The following CDK14 variants were observed in gnomAD, a reference collection of about 807,000 sequenced individuals.
The protein encoded by CDK14 is cyclin-dependent kinase 14.
A neutral mutation model predicts 60.7 loss-of-function variants in CDK14; 34 were observed. The ratio of observed to expected loss-of-function variants is 0.56; its 90% CI spans 0.43 to 0.75. The LOEUF (loss-of-function observed/expected upper bound fraction) is 0.75. Ranked by LOEUF, CDK14 falls within the 30% of genes least tolerant of loss-of-function variation. CDK14 has a pLI of 0.00. For synonymous variants in CDK14, 197 were observed against 203.7 expected (o/e 0.97, Z 0.28); for missense variants, 482 against 564.1 (o/e 0.85, Z 1.47).
chr7:90,632,693 A>G (rs1338300099), intron 2 of CDK14: 1 of 152,330 alleles, frequency 6.6e-6, no homozygotes, highest in Non-Finnish European at 1.5e-5. Flanking sequence ...TCCACTTAAA[A>G]GCTTTACTTG....
intron 10 of CDK14, among the ~76,000 whole-genome samples, chr7:90,984,613 C>G (rs375976383): frequency 6.6e-6 from 1 of 152,138 alleles, no homozygotes; most frequent in Non-Finnish European, 1.5e-5. Context: ...TGATAACTTT[C>G]TTCCATAAAG....
At chr7:91,178,638 G>A (rs1403191755) in intron 14 of CDK14, among the ~76,000 whole-genome samples, 1 of 152,058 alleles carries the variant, frequency 6.6e-6, no homozygotes, top group Non-Finnish European at 1.5e-5. Flanking sequence ...CCATCAAAAG[G>A]TGGGCGAAGG....
intron 4 of CDK14, among the ~76,000 whole-genome samples, chr7:90,786,926 CAAAA>C (rs34902431): frequency 6.8e-5 from 6 of 87,728 alleles, no homozygotes; most frequent in Admixed American, 2.7e-4. Flanking sequence ...ACCCTGTCTC[CAAAA>C]AAAAAAAAAA....
intron 14 of CDK14, among the ~76,000 whole-genome samples, chr7:91,190,478 T>G (rs1802325700): frequency 6.6e-6 from 1 of 152,158 alleles, no homozygotes. Flanking sequence ...TTTGTTATTT[T>G]GTTTCTTGTT....
intron 14 of CDK14, among the ~76,000 whole-genome samples, chr7:91,156,038 A>C (rs1421013245): frequency 2.6e-5 from 4 of 152,172 alleles, no homozygotes; most frequent in Non-Finnish European, 5.9e-5. Context: ...TTGATTTCCC[A>C]TAATCAGTTC....
intron 2 of CDK14, among the ~76,000 whole-genome samples, chr7:90,626,095 C>G (rs764946223): frequency 1.3e-5 from 2 of 152,202 alleles, no homozygotes; most frequent in Non-Finnish European, 2.9e-5. Flanking sequence ...CATTCTTGAT[C>G]TGAGGCGAGT....
chr7:91,091,575 A>AGG (rs1198229313), intron 12 of CDK14, among the ~76,000 whole-genome samples: 1 of 145,452 alleles, frequency 6.9e-6, no homozygotes, highest in East Asian at 2.0e-4. Context: ...AGGCTGAGGC[A>AGG]GGGGGATCAT....
At chr7:90,635,302 A>G (rs1325767597) in intron 2 of CDK14, among the ~76,000 whole-genome samples, 2 of 152,256 alleles carry the variant, frequency 1.3e-5, no homozygotes, top group South Asian at 2.1e-4. Context: ...TCTTGAATTA[A>G]TTTTTGTATA....
intron 2 of CDK14, among the ~76,000 whole-genome samples, chr7:90,635,973 T>G (rs1262290338): frequency 6.6e-6 from 1 of 151,842 alleles, no homozygotes; most frequent in African/African-American, 2.4e-5. Flanking sequence ...GTGATTTTTG[T>G]ACATTGATTT....
At chr7:91,079,382 T>G in intron 11 of CDK14, 50 bp from the exon 12 acceptor site, 1 of 1,240,848 alleles carries the variant, frequency 8.1e-7, no homozygotes, top group Non-Finnish European at 1.2e-6. Context: ...ATACTTGTAA[T>G]ATATACATTT....
intron 3 of CDK14, among the ~76,000 whole-genome samples, chr7:90,744,649 C>A (rs1306698456): frequency 1.4e-5 from 2 of 147,724 alleles, no homozygotes; most frequent in African/African-American, 2.6e-5. Flanking sequence ...GCTGACCCCC[C>A]CACCTCCCTC....
chr7:91,176,262 G>A lies in CDK14; in HGVS notation c.*29-30903G>A, dbSNP rs148654546. Among the ~76,000 whole-genome samples the A allele has an allele frequency of 3.0e-3, 461 of 152,288 alleles. 2 individuals carry two copies. The highest frequency in any genetic ancestry group is 0.011 in the African/African-American group (441 of 41,556). ...AATAAAGATGTTCTTTGAACGCAAC[G>A]AGAGCAAAGACACAACATACCAGAA... On this transcript the variant is annotated intron_variant, in intron 14 of 14. Transcript: ENST00000380050.
At position 90,636,043 on chromosome 7, in the gene CDK14, A is replaced by G. The variant is rs1472765157; in HGVS notation, c.123+31794A>G. Among the ~76,000 whole-genome samples, 359 of 150,866 alleles carry G rather than the reference A, an allele frequency of 2.4e-3. 1 individual carries two copies. The highest frequency in any genetic ancestry group is 3.4e-3 in the Admixed American group (51 of 15,146). Reference sequence around the variant, plus strand: ...CTTAAGGAGATTTTGGGCTGAGACAATGGGGTTTTCTAGATATACAATCAT... The same window carrying G: ...CTTAAGGAGATTTTGGGCTGAGACAGTGGGGTTTTCTAGATATACAATCAT... On this transcript the variant is annotated intron_variant, in intron 2 of 14. Coordinates refer to ENST00000380050, the MANE Select transcript of CDK14 (RefSeq NM_001287135.2).
At chr7:90,671,183 G>A (rs559928905) in intron 2 of CDK14, among the ~76,000 whole-genome samples, 13 of 152,148 alleles carry the variant, frequency 8.5e-5, no homozygotes, top group African/African-American at 2.2e-4. Flanking sequence ...TGTGATGATC[G>A]TGCAGATTGT....
intron 4 of CDK14, among the ~76,000 whole-genome samples, chr7:90,758,977 A>AC (rs1804200162): frequency 6.6e-6 from 1 of 150,662 alleles, no homozygotes; most frequent in Non-Finnish European, 1.5e-5. Flanking sequence ...AGTCACTCAA[A>AC]CCCGGGAGGC....
intron 9 of CDK14, among the ~76,000 whole-genome samples, chr7:90,957,753 A>G (rs996037452): frequency 5.3e-5 from 8 of 152,080 alleles, no homozygotes; most frequent in African/African-American, 1.9e-4. Context: ...GGAAGAATCA[A>G]TATCGTGAAA....
intron 3 of CDK14, among the ~76,000 whole-genome samples, chr7:90,734,492 G>A (rs112412360): frequency 6.6e-6 from 1 of 152,062 alleles, no homozygotes. Flanking sequence ...GTATTTCTTG[G>A]AGGCTTTATT....
intron 2 of CDK14, among the ~76,000 whole-genome samples, chr7:90,676,266 A>T (rs1369485318): frequency 6.6e-6 from 1 of 152,168 alleles, no homozygotes. Context: ...GTATTGAGGG[A>T]GGCTTTACAT....
rs202082327 is a variant in CDK14, at chr7:90,931,780, TTG to T, written c.826+14076_826+14077del. 8.3e-4 allele frequency among the ~76,000 whole-genome samples: 15 copies of T among 18,132 alleles called. No individual in the cohort carries two copies. In the East Asian group the frequency reaches 0.1, roughly 121 times the overall value. The allele number at this position is 18,132 out of a possible 152,430, so 11.9% of individuals were successfully genotyped here. On this transcript the variant is annotated intron_variant, in intron 8 of 14. Transcript: ENST00000380050. Reference sequence around the variant, plus strand: ...CAAATGAAACTTTCATCTTTGGATTTTGTGTGTGTGTGTGTGTGTGTTTTGGT... The same window carrying T: ...CAAATGAAACTTTCATCTTTGGATTTTGTGTGTGTGTGTGTGTGTTTTGGT...
Sources: gnomAD v4.1 joint callset for allele counts (sites outside exome capture counted in the v4.1 genomes callset) on GRCh38, gnomAD v4.1.1 for gene constraint, MANE v1.5 for transcripts, NCBI Gene and HGNC (gene_info 2026-07-23, HGNC 2026-07-21) for gene names.